TMEM117: variants seen among roughly 807,000 people sequenced by gnomAD.
TMEM117 encodes the protein transmembrane protein 117.
TMEM117 carries 27 observed loss-of-function variants against 52.4 expected under a neutral mutation model. That is an observed-to-expected ratio of 0.51 (90% CI 0.38 to 0.71). The LOEUF is 0.71. TMEM117 is among the 30% of genes least tolerant of loss of function. The pLI is 0.00. For synonymous variants in TMEM117, 215 were observed against 206.3 expected, an observed-to-expected ratio of 1.04 and a Z score of -0.36; for missense variants, 556 against 630.5, an observed-to-expected ratio of 0.88 and a Z score of 1.26.
At chr12:43,900,717 CA>C (rs11381879) in intron 2 of TMEM117, among the ~76,000 whole-genome samples, 20 of 145,434 alleles carry the variant, frequency 1.4e-4, no homozygotes, top group African/African-American at 3.0e-4. Context: ...GACTTTGTCT[CA>C]AAAAAAAAAA....
At chr12:44,068,393 A>G (rs1317102924) in intron 3 of TMEM117, among the ~76,000 whole-genome samples, 16 of 152,162 alleles carry the variant, frequency 1.1e-4, no homozygotes. Context: ...ACTAAGCTTA[A>G]TCATTTCTAG....
chr12:44,104,817 T>C (rs1947924495), intron 3 of TMEM117, among the ~76,000 whole-genome samples: 1 of 152,050 alleles, frequency 6.6e-6, no homozygotes, highest in Non-Finnish European at 1.5e-5. Context: ...CTTCTTGCTG[T>C]ATGGCTTCTG....
intron 3 of TMEM117, among the ~76,000 whole-genome samples, chr12:43,990,314 C>G (rs1945917256): frequency 6.6e-6 from 1 of 152,108 alleles, no homozygotes; most frequent in Admixed American, 6.6e-5. Flanking sequence ...AGTTTAAAAA[C>G]TTAGACTTTA....
At chr12:44,146,211 A>G (rs929393287) in intron 4 of TMEM117, among the ~76,000 whole-genome samples, 6 of 152,196 alleles carry the variant, frequency 3.9e-5, no homozygotes, top group East Asian at 3.9e-4. Flanking sequence ...ATAATTCCAC[A>G]GTTCAGCCTG....
chr12:44,203,182 A>G (rs1225636551), intron 4 of TMEM117, among the ~76,000 whole-genome samples: 1 of 152,052 alleles, frequency 6.6e-6, no homozygotes. Flanking sequence ...TCCCGGTTCA[A>G]TCTTGGGAAG....
In TMEM117 at chr12:44,348,479, A is replaced by C. The variant is rs559749866; in HGVS notation, c.769-28116A>C. Among the ~76,000 whole-genome samples, 7 of 152,032 alleles carry C rather than the reference A, an allele frequency of 4.6e-5. No individual in the cohort carries two copies. The East Asian group carries it at 9.7e-4, about 21-fold the overall frequency. Reference sequence around the variant, plus strand: ...CCCCTAGTCCAAAGACAAGAGCCACAAATGAAGCAATATGCCCAAAACACA... The same window carrying C: ...CCCCTAGTCCAAAGACAAGAGCCACCAATGAAGCAATATGCCCAAAACACA... On this transcript the variant is annotated intron_variant, in intron 6 of 7. Transcript: ENST00000266534.
rs1399342642 is a variant in TMEM117 at position 44,024,141 on chromosome 12, G to GT, written c.410+79800dup. Among the ~76,000 whole-genome samples the GT allele has an allele frequency of 5.3e-5, 8 of 152,282 alleles. No homozygotes were observed. In the East Asian group the frequency reaches 1.5e-3, roughly 29 times the overall value. On this transcript the variant is annotated intron_variant, in intron 3 of 7. Coordinates refer to ENST00000266534, the MANE Select transcript of TMEM117 (RefSeq NM_032256.3). ...ACATTTGCTCCTTGTGAGCCTAAGC[G>GT]TAATATTGCTAAGTGCAGCACTAAG... is the stretch of plus-strand genomic sequence containing the variant.
chr12:43,841,691 T>A (rs1435419006), intron 1 of TMEM117, among the ~76,000 whole-genome samples: 3 of 152,326 alleles, frequency 2.0e-5, no homozygotes, highest in African/African-American at 7.2e-5. Flanking sequence ...TGTATTGGAA[T>A]TGATCTGGCC....
intron 7 of TMEM117, among the ~76,000 whole-genome samples, chr12:44,380,918 C>T (rs1952011096): frequency 6.6e-6 from 1 of 152,130 alleles, no homozygotes; most frequent in Non-Finnish European, 1.5e-5. Context: ...AATTCTCTCT[C>T]CCAATGAAAT....
At chr12:44,165,203 C>T (rs543813862) in intron 4 of TMEM117, among the ~76,000 whole-genome samples, 10 of 152,134 alleles carry the variant, frequency 6.6e-5, no homozygotes, top group African/African-American at 2.4e-4. Context: ...AGTTTAAAAA[C>T]TCACTGATTG....
chr12:44,103,200 T>G (rs1947893355), intron 3 of TMEM117, among the ~76,000 whole-genome samples: 1 of 151,570 alleles, frequency 6.6e-6, no homozygotes, highest in African/African-American at 2.4e-5. Context: ...TTCTTTCTTC[T>G]GCACTTTTCT....
downstream of TMEM117, among the ~76,000 whole-genome samples, chr12:44,391,342 C>T (rs1306045882): frequency 6.6e-6 from 1 of 152,086 alleles, no homozygotes; most frequent in African/African-American, 2.4e-5. Flanking sequence ...TATTTTCTCC[C>T]CATGGTAGCT....
chr12:44,104,924 A>G (rs908298954), intron 3 of TMEM117, among the ~76,000 whole-genome samples: 1 of 151,810 alleles, frequency 6.6e-6, no homozygotes, highest in Non-Finnish European at 1.5e-5. Context: ...TATATTTTCT[A>G]TAGTTTGAAT....
chr12:44,325,886 T>C (rs1262402918), intron 6 of TMEM117, among the ~76,000 whole-genome samples: 1 of 152,164 alleles, frequency 6.6e-6, no homozygotes, highest in Non-Finnish European at 1.5e-5. Flanking sequence ...GAAGGCTGGG[T>C]GCAGTGGCTC....
intron 2 of TMEM117, among the ~76,000 whole-genome samples, chr12:43,885,525 G>T (rs1180363771): frequency 4.7e-5 from 7 of 149,682 alleles, no homozygotes; most frequent in African/African-American, 2.4e-5. Context: ...GCAGCCAAGA[G>T]GGAAAAAAAG....
At chr12:44,248,250 T>C (rs1220176260) in intron 5 of TMEM117, among the ~76,000 whole-genome samples, 1 of 152,124 alleles carries the variant, frequency 6.6e-6, no homozygotes, top group African/African-American at 2.4e-5. Flanking sequence ...ATACCCAGTC[T>C]TGGGGAGGGT....
At chr12:43,825,859 T>C in the TMEM117 span, among the ~76,000 whole-genome samples, 1 of 152,184 alleles carries the variant, frequency 6.6e-6, no homozygotes, top group African/African-American at 2.4e-5. Context: ...AGACCACACT[T>C]TGAGAAACAC....
intron 4 of TMEM117, 36 bp downstream of exon 4, chr12:44,143,660 A>G: frequency 6.8e-7 from 1 of 1,471,636 alleles, no homozygotes; most frequent in Non-Finnish European, 9.5e-7. Context: ...TTCAAACATC[A>G]AACGGAAGAC....
intron 3 of TMEM117, among the ~76,000 whole-genome samples, chr12:43,970,777 T>C (rs1945570930): frequency 1.3e-5 from 2 of 152,170 alleles, no homozygotes; most frequent in Non-Finnish European, 2.9e-5. Context: ...CTTTGGGCTC[T>C]CATCACTCAG....
Sources: allele counts gnomAD v4.1 joint callset (sites outside exome capture counted in the v4.1 genomes callset), GRCh38; gene constraint gnomAD v4.1.1; transcripts MANE v1.5; gene names NCBI Gene and HGNC (gene_info 2026-07-23, HGNC 2026-07-21).